The following GSPT1 variants were observed in gnomAD, a reference collection of about 807,000 sequenced individuals.
The protein encoded by GSPT1 is G1 to S phase transition 1.
In GSPT1, 20 loss-of-function variants were observed where a neutral mutation model predicts 72.5. The observed-to-expected ratio is 0.28, with a 90% CI of 0.19 to 0.40. The LOEUF (loss-of-function observed/expected upper bound fraction) is 0.40. Ranked by LOEUF, GSPT1 falls within the 10% of genes least tolerant of loss-of-function variation. The probability of loss-of-function intolerance (pLI) is 1.00; values close to 1 mark genes in which losing one functional copy is unlikely to be tolerated. For missense variants in GSPT1, 580 were observed against 811.9 expected (o/e 0.71, Z 3.47); for synonymous variants, 334 against 293.5 (o/e 1.14, Z -1.41).
At chr16:11,910,111 T>A (rs1400783170) in intron 1 of GSPT1, among the ~76,000 whole-genome samples, 1 of 151,856 alleles carries the variant, frequency 6.6e-6, no homozygotes, top group Non-Finnish European at 1.5e-5. Context: ...AAATAATAAG[T>A]AAAAAGTTTT....
intron 1 of GSPT1, 44 bp from the exon 2 acceptor site, chr16:11,898,079 A>T: frequency 1.6e-6 from 2 of 1,264,734 alleles, no homozygotes; most frequent in Non-Finnish European, 2.3e-6. Context: ...ATACTTATCC[A>T]TCCATTTCAC....
intron 13 of GSPT1, 78 bp downstream of exon 13, chr16:11,876,008 T>C: frequency 2.7e-6 from 4 of 1,458,262 alleles, no homozygotes; most frequent in South Asian, 2.3e-5. Context: ...GAAATAAAAG[T>C]GCATCACTGT....
chr16:11,904,341 TAC>T (rs1314261080), intron 1 of GSPT1, among the ~76,000 whole-genome samples: 1 of 152,164 alleles, frequency 6.6e-6, no homozygotes, highest in Non-Finnish European at 1.5e-5. Flanking sequence ...TAGCTGGGAC[TAC>T]AGGCGCGCGC....
intron 4 of GSPT1, chr16:11,895,249 G>A (rs1352885875): frequency 3.9e-6 from 1 of 258,606 alleles, no homozygotes; most frequent in Non-Finnish European, 7.6e-6. Context: ...TGGCCAACAT[G>A]GTGAAACCCC....
At chr16:11,906,824 G>A (rs547992761) in intron 1 of GSPT1, among the ~76,000 whole-genome samples, 1 of 152,248 alleles carries the variant, frequency 6.6e-6, no homozygotes, top group East Asian at 1.9e-4. Context: ...AAGATCACAT[G>A]AGACAATATT....
At chr16:11,912,600 C>A (rs146346583) in intron 1 of GSPT1, among the ~76,000 whole-genome samples, 2,222 of 152,268 alleles carry the variant, frequency 0.015, 33 homozygotes, top group South Asian at 0.024. Flanking sequence ...CACATCATTA[C>A]TTTAGAAGCT....
chr16:11,904,592 A>G (rs2054465123), intron 1 of GSPT1, among the ~76,000 whole-genome samples: 1 of 152,056 alleles, frequency 6.6e-6, no homozygotes, highest in Non-Finnish European at 1.5e-5. Flanking sequence ...GGACTTGAAT[A>G]TGGAGAATCC....
At chr16:11,880,021 C>T (rs1021640907) in intron 11 of GSPT1, among the ~76,000 whole-genome samples, 1 of 152,174 alleles carries the variant, frequency 6.6e-6, no homozygotes, top group Non-Finnish European at 1.5e-5. Flanking sequence ...CGAACCCTGG[C>T]AACCACCATC....
At chr16:11,898,897 G>A (rs2054372752) in intron 1 of GSPT1, among the ~76,000 whole-genome samples, 1 of 152,112 alleles carries the variant, frequency 6.6e-6, no homozygotes, top group African/African-American at 2.4e-5. Flanking sequence ...TTCCAATGAT[G>A]CCAGTTTTTT....
chr16:11,882,958 TAAAGAA>T (rs2054139670), intron 11 of GSPT1, 51 bp downstream of exon 11: 2 of 1,150,170 alleles, frequency 1.7e-6, no homozygotes, highest in Non-Finnish European at 1.3e-6. Context: ...CCCTATCTCT[TAAAGAA>T]AAAGAAAAAA....
chr16:11,896,529 T>C (rs768616714), intron 4 of GSPT1, 29 bp downstream of exon 4: 3 of 1,238,100 alleles, frequency 2.4e-6, no homozygotes, highest in Non-Finnish European at 3.5e-6. Context: ...ATGTATCCAG[T>C]AACTTTAATT....
In GSPT1 at chr16:11,897,869, G is replaced by T; in HGVS notation, c.407C>A (p.Ala136Asp). The T allele has an allele frequency of 6.5e-7, 1 of 1,542,564 alleles. No homozygotes were observed. Among genetic ancestry groups the T allele is most frequent in the Admixed American group, 1.9e-5 (1 of 53,290 alleles). The part of the protein sequence containing the change: ...EQSLCEGSNS[A>D]VSMELSEPIV... ...AGGTTCTGAAAGTTCCATGCTAACAGCTGAATTTGAACCTAGACAAGAGAT... is the reference window on the plus strand; with the variant it reads ...AGGTTCTGAAAGTTCCATGCTAACATCTGAATTTGAACCTAGACAAGAGAT... Residue 136 changes from alanine (A) to aspartate (D), a missense_variant, in exon 3 of 15, where the codon GCT (alanine) becomes GAT (aspartate). Transcript: ENST00000434724.
intron 3 of GSPT1, 85 bp downstream of exon 3, chr16:11,897,755 A>C (rs538020575): frequency 2.7e-6 from 2 of 734,524 alleles, no homozygotes. Flanking sequence ...GCATTACAAT[A>C]ATCGTAACTT....
chr16:11,914,604 T>A (rs538457261), intron 1 of GSPT1, among the ~76,000 whole-genome samples: 13 of 152,222 alleles, frequency 8.5e-5, no homozygotes, highest in Non-Finnish European at 1.6e-4. Context: ...TCAACGATTT[T>A]ACAGCAATGA....
intron 14 of GSPT1, among the ~76,000 whole-genome samples, chr16:11,873,647 G>A (rs2054003859): frequency 1.3e-5 from 2 of 151,952 alleles, no homozygotes; most frequent in African/African-American, 2.4e-5. Flanking sequence ...GAGTGCAGTG[G>A]TGCGACTTCA....
At chr16:11,881,993 T>TA (rs2054128487) in intron 11 of GSPT1, 1 of 151,868 alleles carries the variant, frequency 6.6e-6, no homozygotes, top group South Asian at 2.1e-4. Flanking sequence ...CAAAACTGAG[T>TA]AAGTAAGGGC....
At position 11,868,368 on chromosome 16, in the gene GSPT1, T is replaced by C. The variant is rs940946731; in HGVS notation, c.*4751A>G. 2.6e-5 allele frequency: 4 copies of C among 151,566 alleles called. No individual in the cohort carries two copies. Among genetic ancestry groups the C allele is most frequent in the Non-Finnish European group, 4.4e-5 (3 of 67,902 alleles). The allele number at this position is 151,566 out of a possible 1,614,324, so 9.4% of individuals were successfully genotyped here. ...AGTTCCCTTTAATCCTGTTTTTTTT[T>C]TTTTTTTTTAAATGAGATCTAGGTA... On this transcript the variant is annotated 3_prime_UTR_variant, in exon 15 of 15. Coordinates refer to ENST00000434724, the MANE Select transcript of GSPT1 (RefSeq NM_002094.4).
chr16:11,915,105 G>A (rs924731201), intron 1 of GSPT1: 1 of 1,275,214 alleles, frequency 7.8e-7, no homozygotes. Context: ...GGACTCCAGA[G>A]CAGGGCAGGG....
In GSPT1 at chr16:11,892,516, A is replaced by AATAATAAT. The variant is rs1555504692; in HGVS notation, c.699-1378_699-1377insATTATTAT. Among the ~76,000 whole-genome samples the AATAATAAT allele has an allele frequency of 1.0e-3, 142 of 140,908 alleles. 3 individuals are homozygous for AATAATAAT. The highest frequency in any genetic ancestry group is 3.7e-3 in the African/African-American group (131 of 35,244). The allele number at this position is 140,908 out of a possible 152,430, so 92.4% of individuals were successfully genotyped here. A position where few individuals can be genotyped will look rare whatever the true frequency, so the allele number is the denominator to read the frequency against. On this transcript the variant is annotated intron_variant, in intron 5 of 14. Transcript: ENST00000434724. ...AGGGAGACCCTTTCTCAAAAAAACA[A>AATAATAAT]AAAAAACAAAAAAAACAAAAAATAA...
Sources: gnomAD v4.1 joint callset for allele counts (sites outside exome capture counted in the v4.1 genomes callset) on GRCh38, gnomAD v4.1.1 for gene constraint, MANE v1.5 for transcripts, NCBI Gene and HGNC (gene_info 2026-07-23, HGNC 2026-07-21) for gene names.